Variants in MECOM observed in about 807,000 individuals in gnomAD.
MECOM encodes histone-lysine N-methyltransferase MECOM.
A neutral mutation model predicts 116.3 loss-of-function variants in MECOM; 13 were observed. The ratio of observed to expected loss-of-function variants is 0.11; its 90% CI spans 0.07 to 0.18. The LOEUF (loss-of-function observed/expected upper bound fraction) is 0.18. Among genes scored for constraint, MECOM ranks in the 10% least tolerant of loss-of-function variants. The pLI, the probability that MECOM is intolerant of heterozygous loss-of-function variation, is 1.00. For missense variants in MECOM, 1,299 were observed against 1,509.0 expected, an observed-to-expected ratio of 0.86 and a Z score of 2.31; for synonymous variants, 528 against 535.2, an observed-to-expected ratio of 0.99 and a Z score of 0.19.
intron 1 of MECOM, among the ~76,000 whole-genome samples, chr3:169,604,442 T>C (rs990033969): frequency 2.0e-5 from 3 of 152,196 alleles, no homozygotes; most frequent in Non-Finnish European, 4.4e-5. Context: ...CCCTTGTTAA[T>C]GATGGGCTGG....
In MECOM at chr3:169,321,108, T is replaced by C. The variant is rs955330939; in HGVS notation, c.375+60079A>G. On this transcript the variant is annotated intron_variant, in intron 2 of 16. Coordinates refer to ENST00000651503, the MANE Select transcript of MECOM (RefSeq NM_004991.4). ...AGGAAGGCCACCACTCTAATATAAT[T>C]CCATGAACATTCATATCTAAGACAC... 4.6e-5 allele frequency among the ~76,000 whole-genome samples: 7 copies of C among 152,266 alleles called. No homozygotes were observed. The East Asian group carries it at 1.3e-3, about 29-fold the overall frequency.
At chr3:169,291,841 T>C (rs1195647151) in intron 2 of MECOM, among the ~76,000 whole-genome samples, 1 of 152,216 alleles carries the variant, frequency 6.6e-6, no homozygotes, top group Non-Finnish European at 1.5e-5. Flanking sequence ...TAAATTTGAG[T>C]ATCATCTTGA....
At chr3:169,649,425 AAAAAT>A (rs1399438618) in intron 1 of MECOM, among the ~76,000 whole-genome samples, 3 of 151,354 alleles carry the variant, frequency 2.0e-5, no homozygotes, top group African/African-American at 7.3e-5. Context: ...AAAAAAAAAA[AAAAAT>A]AGGAAAACAA....
chr3:169,546,470 C>G (rs1163428927), intron 1 of MECOM, among the ~76,000 whole-genome samples: 2 of 152,182 alleles, frequency 1.3e-5, no homozygotes, highest in African/African-American at 4.8e-5. Flanking sequence ...CCTCACCTAA[C>G]ATATGAAGAA....
At chr3:169,273,831 A>G (rs1012934123) in intron 2 of MECOM, among the ~76,000 whole-genome samples, 1 of 151,422 alleles carries the variant, frequency 6.6e-6, no homozygotes, top group Non-Finnish European at 1.5e-5. Flanking sequence ...CCTGTGTGCT[A>G]TCATGGCTGT....
chr3:169,326,451 T>C (rs1321958981), intron 2 of MECOM, among the ~76,000 whole-genome samples: 1 of 152,204 alleles, frequency 6.6e-6, no homozygotes, highest in Non-Finnish European at 1.5e-5. Context: ...AATCAATAGG[T>C]ATTTCATTTC....
chr3:169,477,463 G>C (rs1220874898), intron 1 of MECOM, among the ~76,000 whole-genome samples: 1 of 152,048 alleles, frequency 6.6e-6, no homozygotes, highest in Non-Finnish European at 1.5e-5. Context: ...GAGTCCCGAA[G>C]TCAAGATTGT....
In MECOM at chr3:169,143,709, T is replaced by A. The variant is rs1738834418; in HGVS notation, c.499A>T (p.Ile167Leu). Residue 167 changes from isoleucine to leucine, a missense_variant, in exon 3 of 17, where the codon ATA becomes TTA. By Grantham distance (5) the Ile-to-Leu change is conservative (BLOSUM62 2). Around this residue, in one of 6 missense-constraint regions of MECOM, gnomAD observed 374 missense variants for 433.4 expected, o/e 0.86. Coordinates refer to ENST00000651503, the MANE Select transcript of MECOM (RefSeq NM_004991.4). ...YDQHNLVACQ[I>L]NDQIFYRVVA... The stretch of plus-strand genomic sequence containing the variant: ...TCTTTACAACATACCTGATCATTTA[T>A]CTGGCATGCAACAAGGTTGTGCTGA... 6.3e-7 allele frequency: 1 copy of A among 1,599,176 alleles called. No individual in the cohort carries two copies.
At chr3:169,098,311 C>CT (rs1722403160) in intron 12 of MECOM, among the ~76,000 whole-genome samples, 1 of 152,194 alleles carries the variant, frequency 6.6e-6, no homozygotes, top group Non-Finnish European at 1.5e-5. Flanking sequence ...TCTACAGTCT[C>CT]TAACAGTTCC....
Position 169,309,131 on chromosome 3 carries a change from A to G in MECOM, c.375+72056T>C, listed in dbSNP as rs566950077. Among the ~76,000 whole-genome samples the G allele has an allele frequency of 3.9e-5, 6 of 152,310 alleles. No homozygotes were observed. The East Asian group carries it at 9.6e-4, about 24-fold the overall frequency. Reference sequence around the variant, plus strand: ...GAAGACTACCAAAGGAATTCCCCTGAAACCGGACTCTATAAACATGCAAGA... The same window carrying G: ...GAAGACTACCAAAGGAATTCCCCTGGAACCGGACTCTATAAACATGCAAGA... On this transcript the variant is annotated intron_variant, in intron 2 of 16. Transcript: ENST00000651503.
At chr3:169,346,863 A>G (rs1170151074) in intron 2 of MECOM, among the ~76,000 whole-genome samples, 1 of 152,084 alleles carries the variant, frequency 6.6e-6, no homozygotes, top group Admixed American at 6.6e-5. Flanking sequence ...GCAGAACCTG[A>G]AATAGTTATA....
chr3:169,397,261 G>A (rs527427678), intron 1 of MECOM, among the ~76,000 whole-genome samples: 9 of 152,110 alleles, frequency 5.9e-5, no homozygotes, highest in African/African-American at 1.2e-4. Flanking sequence ...AGCTAATTCC[G>A]CAACACTCCC....
chr3:169,231,537 T>A (rs1370464500), intron 2 of MECOM, among the ~76,000 whole-genome samples: 1 of 152,054 alleles, frequency 6.6e-6, no homozygotes, highest in African/African-American at 2.4e-5. Flanking sequence ...TTCAGACAGC[T>A]ATAGTCAGCT....
intron 1 of MECOM, among the ~76,000 whole-genome samples, chr3:169,639,953 C>T (rs983538169): frequency 1.3e-5 from 2 of 152,170 alleles, no homozygotes; most frequent in African/African-American, 2.4e-5. Flanking sequence ...ACCTGTGCCT[C>T]ATCTTCATCA....
chr3:169,293,504 C>A (rs1342909184), intron 2 of MECOM, among the ~76,000 whole-genome samples: 1 of 152,178 alleles, frequency 6.6e-6, no homozygotes, highest in African/African-American at 2.4e-5. Context: ...AAGCTAGCCC[C>A]ATGGCTCACT....
intron 2 of MECOM, among the ~76,000 whole-genome samples, chr3:169,223,205 T>A (rs866190083): frequency 1.3e-4 from 20 of 151,774 alleles, no homozygotes; most frequent in African/African-American, 4.6e-4. Context: ...TGTATACATG[T>A]GCCATGTTGG....
intron 1 of MECOM, among the ~76,000 whole-genome samples, chr3:169,658,053 T>G (rs1775744305): frequency 6.6e-6 from 1 of 152,150 alleles, no homozygotes; most frequent in African/African-American, 2.4e-5. Flanking sequence ...CCAATTTCCT[T>G]GAAAATTCCC....
intron 2 of MECOM, among the ~76,000 whole-genome samples, chr3:169,218,592 C>G (rs1325634775): frequency 6.6e-6 from 1 of 152,162 alleles, no homozygotes; most frequent in Admixed American, 6.5e-5. Context: ...TCAGAAAAGC[C>G]TGTAACCTGT....
Position 169,357,749 on chromosome 3 carries a change from A to G in MECOM, c.375+23438T>C, listed in dbSNP as rs145449427. Among the ~76,000 whole-genome samples, 292 of 151,952 alleles carry G rather than the reference A, an allele frequency of 1.9e-3. 1 individual carries two copies. The highest frequency in any genetic ancestry group is 6.8e-3 in the Middle Eastern group (2 of 294). ...TAATTTAACCAAAACCATTAGGTAAAAGGAGTTACACTGACATTTGCCTAA... is the reference window on the plus strand; with the variant it reads ...TAATTTAACCAAAACCATTAGGTAAGAGGAGTTACACTGACATTTGCCTAA... On this transcript the variant is annotated intron_variant, in intron 2 of 16. Transcript: ENST00000651503.
Sources: gnomAD v4.1 joint callset for allele counts (sites outside exome capture counted in the v4.1 genomes callset) on GRCh38, gnomAD v4.1.1 for gene constraint, gnomAD v4.1.1 regional missense constraint, MANE v1.5 for transcripts, NCBI Gene and HGNC (gene_info 2026-07-23, HGNC 2026-07-21) for gene names.